SLC24A2: variants seen among roughly 807,000 people sequenced by gnomAD.
SLC24A2 encodes the protein solute carrier family 24 member 2.
Under a neutral mutation model 62.0 loss-of-function variants are expected in SLC24A2, and 36 were observed. The ratio of observed to expected loss-of-function variants is 0.58; its 90% CI spans 0.44 to 0.77. SLC24A2 has a LOEUF of 0.77. Among genes scored for constraint, SLC24A2 ranks in the 30% least tolerant of loss-of-function variants. SLC24A2 has a pLI of 0.00. For synonymous variants in SLC24A2, 358 were observed against 294.0 expected (o/e 1.22, Z -2.23); for missense variants, 846 against 817.9 (o/e 1.03, Z -0.42).
At chr9:19,959,089 C>A in the SLC24A2 span, among the ~76,000 whole-genome samples, 1 of 152,276 alleles carries the variant, frequency 6.6e-6, no homozygotes, top group Admixed American at 6.5e-5. Context: ...GCTAACCCAT[C>A]TCTCACTGTA....
the SLC24A2 span, among the ~76,000 whole-genome samples, chr9:20,235,514 G>A: frequency 5.9e-5 from 9 of 152,332 alleles, no homozygotes; most frequent in East Asian, 5.8e-4. Context: ...CTCTGTGGGC[G>A]TAGGACCCTC....
the SLC24A2 span, among the ~76,000 whole-genome samples, chr9:20,194,281 A>C: frequency 2.6e-5 from 4 of 152,120 alleles, no homozygotes; most frequent in Non-Finnish European, 5.9e-5. Flanking sequence ...AGAAGAGAAA[A>C]TACTGCCATA....
chr9:20,113,096 C>G, the SLC24A2 span, among the ~76,000 whole-genome samples: 1 of 152,148 alleles, frequency 6.6e-6, no homozygotes, highest in East Asian at 1.9e-4. Flanking sequence ...GCATAGAACC[C>G]TCTTTTGCAA....
At chr9:19,859,157 T>C in the SLC24A2 span, among the ~76,000 whole-genome samples, 3 of 152,220 alleles carry the variant, frequency 2.0e-5, no homozygotes, top group African/African-American at 7.2e-5. Context: ...CATGGAATAC[T>C]ATGCAGCCAT....
At chr9:19,544,941 T>C (rs1410518646) in intron 8 of SLC24A2, among the ~76,000 whole-genome samples, 1 of 152,218 alleles carries the variant, frequency 6.6e-6, no homozygotes, top group East Asian at 1.9e-4. Flanking sequence ...TTTGTGGTGT[T>C]CTCTGTATTT....
At position 19,509,027 on chromosome 9, in the gene SLC24A2, AC is replaced by A. The variant is rs1218919551; in HGVS notation, c.*7125del. 6.6e-6 allele frequency: 1 copy of A among 152,156 alleles called. No homozygotes were observed. Among genetic ancestry groups the A allele is most frequent in the Non-Finnish European group, 1.5e-5 (1 of 68,024 alleles). 9.4% of individuals were successfully genotyped at this position (152,156 alleles called of 1,614,324 possible). A position where few individuals can be genotyped will look rare whatever the true frequency, so the allele number is the denominator to read the frequency against. ...ATAAGGAATTATTGATAAATTGTAT[AC>A]CTCTATTTCCCATTTTTATAAGGGA... is the stretch of plus-strand genomic sequence containing the variant. On this transcript the variant is annotated 3_prime_UTR_variant, in exon 11 of 11. Coordinates refer to ENST00000341998, the MANE Select transcript of SLC24A2 (RefSeq NM_020344.4).
chr9:20,132,167 G>T, the SLC24A2 span, among the ~76,000 whole-genome samples: 1 of 151,956 alleles, frequency 6.6e-6, no homozygotes, highest in African/African-American at 2.4e-5. Context: ...CCTGTCTTTA[G>T]ATCTCCCTGT....
At chr9:19,832,775 A>G in the SLC24A2 span, among the ~76,000 whole-genome samples, 2 of 152,222 alleles carry the variant, frequency 1.3e-5, no homozygotes, top group South Asian at 4.1e-4. Context: ...TCTGCACAGA[A>G]AAGAAACTAC....
At chr9:19,733,888 G>A (rs1821417387) in intron 2 of SLC24A2, among the ~76,000 whole-genome samples, 2 of 152,024 alleles carry the variant, frequency 1.3e-5, no homozygotes, top group South Asian at 4.1e-4. Context: ...CTACAGATGG[G>A]CAAAAACAAA....
intron 2 of SLC24A2, among the ~76,000 whole-genome samples, chr9:19,631,157 G>A (rs937179800): frequency 1.3e-4 from 20 of 152,230 alleles, no homozygotes; most frequent in Admixed American, 1.3e-3. Context: ...TAGCATAGTG[G>A]TGCTCAATGC....
At chr9:19,870,178 C>G in the SLC24A2 span, among the ~76,000 whole-genome samples, 1 of 152,084 alleles carries the variant, frequency 6.6e-6, no homozygotes, top group African/African-American at 2.4e-5. Flanking sequence ...AGTAGTTATT[C>G]CTCATTTTTC....
chr9:20,258,952 C>T, the SLC24A2 span, among the ~76,000 whole-genome samples: 2 of 151,868 alleles, frequency 1.3e-5, no homozygotes, highest in African/African-American at 2.4e-5. Flanking sequence ...AAGTTAAAGG[C>T]TCTGAGAAGG....
At chr9:20,102,645 T>A in the SLC24A2 span, among the ~76,000 whole-genome samples, 1 of 150,098 alleles carries the variant, frequency 6.7e-6, no homozygotes, top group African/African-American at 2.5e-5. Context: ...AGTATAATAA[T>A]ACTTTTTAAA....
intron 2 of SLC24A2, among the ~76,000 whole-genome samples, chr9:19,710,116 T>G (rs1317963464): frequency 6.6e-6 from 1 of 152,120 alleles, no homozygotes; most frequent in Non-Finnish European, 1.5e-5. Flanking sequence ...AGAAGAAAGA[T>G]TGGAGAGGGG....
chr9:20,053,748 A>G, the SLC24A2 span, among the ~76,000 whole-genome samples: 1 of 152,190 alleles, frequency 6.6e-6, no homozygotes, highest in Non-Finnish European at 1.5e-5. Context: ...CCAAATAACA[A>G]ATCTGCCAGG....
the SLC24A2 span, among the ~76,000 whole-genome samples, chr9:19,820,772 T>C: frequency 6.6e-6 from 1 of 151,904 alleles, no homozygotes; most frequent in South Asian, 2.1e-4. Context: ...AAAGTTTATG[T>C]GATCAGAAGA....
the SLC24A2 span, among the ~76,000 whole-genome samples, chr9:19,837,896 C>G: frequency 6.6e-6 from 1 of 151,924 alleles, no homozygotes; most frequent in African/African-American, 2.4e-5. Context: ...GAACTACAAA[C>G]CACTGCTCAA....
chr9:20,031,970 T>C, the SLC24A2 span, among the ~76,000 whole-genome samples: 1 of 152,186 alleles, frequency 6.6e-6, no homozygotes, highest in Non-Finnish European at 1.5e-5. Context: ...TCAGAGAACC[T>C]AGAGTTGAGA....
the SLC24A2 span, among the ~76,000 whole-genome samples, chr9:20,130,476 G>C: frequency 1.3e-5 from 2 of 151,776 alleles, no homozygotes; most frequent in East Asian, 3.9e-4. Context: ...GAGTCTTCCA[G>C]GCAAAGGAAA....
Sources: gnomAD v4.1 joint callset for allele counts (sites outside exome capture counted in the v4.1 genomes callset) on GRCh38, gnomAD v4.1.1 for gene constraint, MANE v1.5 for transcripts, NCBI Gene and HGNC (gene_info 2026-07-23, HGNC 2026-07-21) for gene names.